Variants in GATA4 observed in about 807,000 individuals in gnomAD.
GATA4 encodes the protein transcription factor GATA-4.
In GATA4, 7 loss-of-function variants were observed where a neutral mutation model predicts 37.9. That is an observed-to-expected ratio of 0.18 (90% CI 0.11 to 0.35). The LOEUF (loss-of-function observed/expected upper bound fraction) is 0.35, where lower values mean the gene tolerates loss of function less well. Ranked by LOEUF, GATA4 falls within the 10% of genes least tolerant of loss-of-function variation. GATA4 has a pLI of 1.00. For missense variants in GATA4, 647 were observed against 653.0 expected (o/e 0.99, Z 0.10); for synonymous variants, 372 against 292.6 (o/e 1.27, Z -2.77).
chr8:11,754,774 T>G (rs1356176779), intron 4 of GATA4, among the ~76,000 whole-genome samples: 2 of 152,210 alleles, frequency 1.3e-5, no homozygotes, highest in East Asian at 3.8e-4. Context: ...GTCTGTGAAT[T>G]TCTGAGGGTA....
In GATA4 at chr8:11,708,685, G is replaced by A; in HGVS notation, c.373G>A (p.Ala125Thr). 7.8e-7 allele frequency: 1 copy of A among 1,279,780 alleles called. No individual in the cohort carries two copies. Among genetic ancestry groups the A allele is most frequent in the Non-Finnish European group, 9.8e-7 (1 of 1,017,730 alleles). The allele number at this position is 1,279,780 out of a possible 1,614,324, so 79.3% of individuals were successfully genotyped here. A position where few individuals can be genotyped will look rare whatever the true frequency, so the allele number is the denominator to read the frequency against. ...GSLAAAAAAA[A>T]AREAAAYSSG... Reference sequence around the variant, plus strand: ...CCTGGCGGCCGCCGCCGCCGCTGCCGCGGCCCGGGAAGCTGCGGCCTACAG... The same window carrying A: ...CCTGGCGGCCGCCGCCGCCGCTGCCACGGCCCGGGAAGCTGCGGCCTACAG... Residue 125 changes from alanine (A) to threonine (T), a missense_variant, in exon 2 of 7, where the codon GCG becomes ACG. This residue lies in a region of GATA4 where 379 missense variants were observed against 334.5 expected (regional missense o/e 1.13). Coordinates refer to ENST00000532059, the MANE Select transcript of GATA4 (RefSeq NM_001308093.3). This position sits in a 1 kb window ranked among gnomAD's most constrained non-coding sequence, Gnocchi z 6.7.
intron 2 of GATA4, among the ~76,000 whole-genome samples, chr8:11,727,570 C>T (rs1256322218): frequency 6.6e-6 from 1 of 152,088 alleles, no homozygotes; most frequent in East Asian, 1.9e-4. Flanking sequence ...AGCCTGGGTG[C>T]GGTGGCTCAC....
intron 1 of GATA4, among the ~76,000 whole-genome samples, chr8:11,695,487 G>A (rs1799479037): frequency 6.6e-6 from 1 of 152,210 alleles, no homozygotes; most frequent in Admixed American, 6.5e-5. Flanking sequence ...AAAAGGCCAT[G>A]TTTCACTGAC....
At chr8:11,701,244 GA>G (rs56051265), upstream of GATA4, among the ~76,000 whole-genome samples, 15,926 of 126,214 alleles carry the variant, frequency 0.13, 1,034 homozygotes, top group African/African-American at 0.24. Context: ...CAGGTTCTTA[GA>G]AAAAAAAAAA....
intron 2 of GATA4, among the ~76,000 whole-genome samples, chr8:11,724,258 A>G (rs1800811258): frequency 2.0e-5 from 3 of 152,154 alleles, no homozygotes; most frequent in Admixed American, 2.0e-4. Flanking sequence ...CATTGTGAAT[A>G]ATGCCGCCAT....
rs1802177506 is a variant in GATA4 at position 11,749,234 on chromosome 8, G to C, written c.786+149G>C. ...CCCCATAATAATTCTCACAACTTTA[G>C]AGTTAGCTGGAGCCACCAGAATGAT... On this transcript the variant is annotated intron_variant, in intron 3 of 6. Coordinates refer to ENST00000532059, the MANE Select transcript of GATA4 (RefSeq NM_001308093.3). This position sits in a 1 kb window ranked among gnomAD's most constrained non-coding sequence, Gnocchi z 4.6. 2.5e-5 allele frequency: 19 copies of C among 765,664 alleles called. No homozygotes were observed. Among genetic ancestry groups the C allele is most frequent in the Middle Eastern group, 3.5e-4 (1 of 2,824 alleles). 47.4% of individuals were successfully genotyped at this position (765,664 alleles called of 1,614,324 possible).
rs968233228 is a variant in GATA4 at position 11,754,131 on chromosome 8, A to G, written c.913-915A>G. 2.0e-5 allele frequency among the ~76,000 whole-genome samples: 3 copies of G among 152,364 alleles called. No individual in the cohort carries two copies. The East Asian group carries it at 5.8e-4, about 29-fold the overall frequency. On this transcript the variant is annotated intron_variant, in intron 4 of 6. Transcript: ENST00000532059. ...AGACCCAATGCAGTACAGAGCTGCA[A>G]TAAGTAGAGTGATGTTACATCTCAA...
At chr8:11,727,255 C>G (rs1455266376) in intron 2 of GATA4, among the ~76,000 whole-genome samples, 1 of 152,148 alleles carries the variant, frequency 6.6e-6, no homozygotes, top group Non-Finnish European at 1.5e-5. Context: ...TGTGTAAACA[C>G]ATCTCCAGGA....
chr8:11,744,239 C>T (rs910658833), intron 2 of GATA4, among the ~76,000 whole-genome samples: 1 of 152,238 alleles, frequency 6.6e-6, no homozygotes, highest in African/African-American at 2.4e-5. Flanking sequence ...CCCTCCTGAC[C>T]CCTCCAACTT....
chr8:11,755,204 T>C, intron 5 of GATA4, 71 bp downstream of exon 5: 1 of 1,339,242 alleles, frequency 7.5e-7, no homozygotes, highest in Non-Finnish European at 1.1e-6. Flanking sequence ...AATCATATCT[T>C]CCGGGTTAGG....
chr8:11,713,182 C>G (rs148272663), intron 2 of GATA4, among the ~76,000 whole-genome samples: 2 of 152,150 alleles, frequency 1.3e-5, no homozygotes, highest in Non-Finnish European at 2.9e-5. Flanking sequence ...CTGTAAAGCC[C>G]TGAACTTAGG....
intron 2 of GATA4, among the ~76,000 whole-genome samples, chr8:11,744,094 C>T (rs1018850573): frequency 1.3e-5 from 2 of 152,156 alleles, no homozygotes; most frequent in African/African-American, 4.8e-5. Context: ...CAAACCTGAC[C>T]GCTGAGAGCA....
chr8:11,756,915 C>G lies in GATA4; in HGVS notation c.1001-20C>G, dbSNP rs766381254. 6 of 1,614,094 alleles carry G rather than the reference C, an allele frequency of 3.7e-6. No individual in the cohort carries two copies. The Admixed American group carries it at 6.7e-5, about 18-fold the overall frequency. ...TGTCCCTGCCGCTGATTTGGGTGTGCTGACTCTGCTTCATTCCAGCTCCTT... is the reference window on the plus strand; with the variant it reads ...TGTCCCTGCCGCTGATTTGGGTGTGGTGACTCTGCTTCATTCCAGCTCCTT... On this transcript the variant is annotated intron_variant, in intron 5 of 6. Transcript: ENST00000532059.
At chr8:11,720,375 G>A (rs1181830072) in intron 2 of GATA4, among the ~76,000 whole-genome samples, 4 of 152,176 alleles carry the variant, frequency 2.6e-5, no homozygotes, top group African/African-American at 9.6e-5. Flanking sequence ...CCTGTGTCAG[G>A]TAGGTTTCCA....
intron 2 of GATA4, among the ~76,000 whole-genome samples, chr8:11,712,258 G>A (rs534979085): frequency 3.3e-5 from 5 of 152,318 alleles, no homozygotes; most frequent in East Asian, 1.9e-4. Flanking sequence ...GGGATTGTTC[G>A]TGGTAAACCT....
intron 4 of GATA4, among the ~76,000 whole-genome samples, chr8:11,752,801 G>A (rs1802366553): frequency 6.6e-6 from 1 of 152,128 alleles, no homozygotes; most frequent in African/African-American, 2.4e-5. Flanking sequence ...TAATGAACAA[G>A]CAAATGGCTA....
In GATA4 at chr8:11,707,022, C is replaced by A. The variant is rs1264983190; in HGVS notation, c.-457-834C>A. 7.2e-5 allele frequency among the ~76,000 whole-genome samples: 11 copies of A among 152,146 alleles called. No homozygotes were observed. The highest frequency in any genetic ancestry group is 2.7e-4 in the African/African-American group (11 of 41,410). On this transcript the variant is annotated intron_variant, in intron 1 of 6. Transcript: ENST00000532059. This position sits in a 1 kb window ranked among gnomAD's most constrained non-coding sequence, Gnocchi z 4.7. Reference sequence around the variant, plus strand: ...AACTGCTCTTTCCCCAAGCACCCACCTTGGTGTTATGATTCTGCTTATGGG... The same window carrying A: ...AACTGCTCTTTCCCCAAGCACCCACATTGGTGTTATGATTCTGCTTATGGG...
At position 11,709,002 on chromosome 8, in the gene GATA4, T is replaced by C; in HGVS notation, c.616+74T>C. 7.0e-7 allele frequency: 1 copy of C among 1,432,162 alleles called. No homozygotes were observed. The highest frequency in any genetic ancestry group is 9.2e-7 in the Non-Finnish European group (1 of 1,083,532). 88.7% of individuals were successfully genotyped at this position (1,432,162 alleles called of 1,614,324 possible). A position where few individuals can be genotyped will look rare whatever the true frequency, so the allele number is the denominator to read the frequency against. On this transcript the variant is annotated intron_variant, in intron 2 of 6. Coordinates refer to ENST00000532059, the MANE Select transcript of GATA4 (RefSeq NM_001308093.3). This position sits in a 1 kb window ranked among gnomAD's most constrained non-coding sequence, Gnocchi z 4.3. ...CGTCTTGAGCCCTGTCGAGGGCCTC[T>C]TGTTTTTCCACCAACGCCTTCGTTG... is the stretch of plus-strand genomic sequence containing the variant.
chr8:11,689,159 C>T (rs1294885347), upstream of GATA4, among the ~76,000 whole-genome samples: 1 of 152,192 alleles, frequency 6.6e-6, no homozygotes, highest in African/African-American at 2.4e-5. Flanking sequence ...ACTGTCCCTC[C>T]CCAGGGATGG....
Sources: gnomAD v4.1 joint callset for allele counts (sites outside exome capture counted in the v4.1 genomes callset) on GRCh38, gnomAD v4.1.1 for gene constraint, gnomAD v4.1.1 regional missense constraint, Gnocchi (gnomAD v3.1) non-coding constraint, MANE v1.5 for transcripts, NCBI Gene and HGNC (gene_info 2026-07-23, HGNC 2026-07-21) for gene names.